CCDC102B: variants seen among roughly 807,000 people sequenced by gnomAD.
The protein encoded by CCDC102B is coiled-coil domain containing 102B.
In CCDC102B, 75 loss-of-function variants were observed where a neutral mutation model predicts 57.4. The ratio of observed to expected loss-of-function variants is 1.31; its 90% CI spans 1.08 to 1.58. The LOEUF is 1.58. Among genes scored for constraint, CCDC102B ranks in the 40% most tolerant of loss-of-function variants. The pLI is 0.00. For missense variants in CCDC102B, 636 were observed against 582.6 expected (o/e 1.09, Z -0.94); for synonymous variants, 206 against 201.9 (o/e 1.02, Z -0.17).
chr18:68,790,338 T>G (rs2035395914), intron 2 of CCDC102B, among the ~76,000 whole-genome samples: 1 of 151,786 alleles, frequency 6.6e-6, no homozygotes. Flanking sequence ...CAGGCCTCCT[T>G]GAGCTGTGGT....
chr18:68,973,781 T>C, intron 6 of CCDC102B, among the ~76,000 whole-genome samples: 1 of 152,092 alleles, frequency 6.6e-6, no homozygotes, highest in East Asian at 1.9e-4. Flanking sequence ...AGTGTAATTT[T>C]TCACAAAGAA....
intron 2 of CCDC102B, chr18:68,734,605 T>C (rs1223950564): frequency 6.6e-6 from 1 of 152,240 alleles, no homozygotes; most frequent in East Asian, 1.9e-4. Context: ...GCCTGCTAAT[T>C]CAGCATTCTG....
intron 4 of CCDC102B, among the ~76,000 whole-genome samples, chr18:68,856,063 ATTGTGACC>A (rs1473346419): frequency 6.6e-6 from 1 of 152,162 alleles, no homozygotes; most frequent in African/African-American, 2.4e-5. Context: ...AAGATCTTTC[ATTGTGACC>A]ATAGTTGGCG....
At chr18:68,951,874 C>T (rs2049708493) in intron 6 of CCDC102B, among the ~76,000 whole-genome samples, 1 of 151,844 alleles carries the variant, frequency 6.6e-6, no homozygotes, top group Admixed American at 6.6e-5. Context: ...CACTAGGTGC[C>T]TCCACAAAAT....
intron 6 of CCDC102B, among the ~76,000 whole-genome samples, chr18:68,996,627 A>G (rs1439313298): frequency 6.6e-6 from 1 of 152,048 alleles, no homozygotes; most frequent in Non-Finnish European, 1.5e-5. Flanking sequence ...TTTTTTGCCC[A>G]TTTCTTCCAT....
At chr18:68,956,349 T>TAAAATATA (rs1491436001) in intron 6 of CCDC102B, among the ~76,000 whole-genome samples, 27,607 of 56,684 alleles carry the variant, frequency 0.49, 6,045 homozygotes, top group African/African-American at 0.69. Flanking sequence ...AATATATATA[T>TAAAATATA]TAATATATAT....
intron 6 of CCDC102B, among the ~76,000 whole-genome samples, chr18:68,957,670 A>G (rs2049938525): frequency 6.6e-6 from 1 of 151,462 alleles, no homozygotes; most frequent in African/African-American, 2.4e-5. Flanking sequence ...TAGTATTTCA[A>G]TAGAGATTCC....
intron 1 of CCDC102B, among the ~76,000 whole-genome samples, chr18:68,799,178 A>G (rs1176899533): frequency 6.6e-6 from 1 of 152,130 alleles, no homozygotes; most frequent in Non-Finnish European, 1.5e-5. Flanking sequence ...ATATTCTTGA[A>G]TTCTATTTCA....
At chr18:68,816,666 A>G (rs994140584) in intron 1 of CCDC102B, among the ~76,000 whole-genome samples, 4 of 151,878 alleles carry the variant, frequency 2.6e-5, no homozygotes, top group Non-Finnish European at 5.9e-5. Flanking sequence ...GGGTTTCACC[A>G]TGTTAGCCAG....
intron 6 of CCDC102B, among the ~76,000 whole-genome samples, chr18:68,910,678 T>C (rs2040807789): frequency 6.6e-6 from 1 of 152,240 alleles, no homozygotes; most frequent in African/African-American, 2.4e-5. Flanking sequence ...GTAGAAATAG[T>C]TAATTCTTAG....
rs1466909746 is a variant in CCDC102B, at chr18:68,765,361, GAAAGAAAGAAAGAAAGA to G, written c.-67+48783_-67+48799del. Among the ~76,000 whole-genome samples the G allele has an allele frequency of 3.2e-5, 4 of 126,654 alleles. No individual in the cohort carries two copies. In the East Asian group the frequency reaches 7.0e-4, roughly 22 times the overall value. The allele number at this position is 126,654 out of a possible 152,430, so 83.1% of individuals were successfully genotyped here. ...AGAAAGAAAGAAAGAAAGAAAGAAA[GAAAGAAAGAAAGAAAGA>G]AAAGAAAGAAAGAAAAGAAAGGAAG... On this transcript the variant is annotated intron_variant, in intron 2 of 3. Transcript: ENST00000578970.
At chr18:68,956,146 C>CA (rs1010532615) in intron 6 of CCDC102B, among the ~76,000 whole-genome samples, 4 of 150,932 alleles carry the variant, frequency 2.7e-5, no homozygotes, top group African/African-American at 9.7e-5. Context: ...GAAGGGATAT[C>CA]ATCCTTCATG....
At chr18:69,000,690 T>A (rs1363375074) in intron 6 of CCDC102B, among the ~76,000 whole-genome samples, 1 of 152,174 alleles carries the variant, frequency 6.6e-6, no homozygotes, top group Non-Finnish European at 1.5e-5. Context: ...AAGAATTATA[T>A]AAGTTATTAT....
chr18:68,881,797 G>A (rs1942294), intron 5 of CCDC102B, among the ~76,000 whole-genome samples: 16,963 of 151,860 alleles, frequency 0.11, 1,333 homozygotes, highest in South Asian at 0.22. Context: ...CATTCTCTCT[G>A]TCTCTCTCTG....
intron 2 of CCDC102B, among the ~76,000 whole-genome samples, chr18:68,719,793 CA>C (rs2032227448): frequency 6.6e-6 from 1 of 152,030 alleles, no homozygotes. Flanking sequence ...TCCAGACAAT[CA>C]AAAAATAGGG....
chr18:68,960,003 C>G (rs1239335950), intron 6 of CCDC102B, among the ~76,000 whole-genome samples: 1 of 152,076 alleles, frequency 6.6e-6, no homozygotes, highest in African/African-American at 2.4e-5. Flanking sequence ...TGAGCTGGTA[C>G]CCAAGCTGGA....
intron 5 of CCDC102B, among the ~76,000 whole-genome samples, chr18:68,883,837 T>C (rs1382806833): frequency 6.6e-6 from 1 of 152,200 alleles, no homozygotes; most frequent in Admixed American, 6.5e-5. Flanking sequence ...AGCTCCACTA[T>C]CTTTACTTAA....
rs191607908 is a variant in CCDC102B, at chr18:68,751,168, G to T, written c.-67+34574G>T. Among the ~76,000 whole-genome samples, 514 of 152,250 alleles carry T rather than the reference G, an allele frequency of 3.4e-3. 1 individual carries two copies. The highest frequency in any genetic ancestry group is 0.014 in the Middle Eastern group (4 of 292). ...ACTTCTCATTATTGGCAAGATTTAT[G>T]TTCTATAAAGCCACTGTGAATACTG... On this transcript the variant is annotated intron_variant, in intron 2 of 3. Transcript: ENST00000578970.
chr18:68,952,622 A>T (rs779009952), intron 6 of CCDC102B, among the ~76,000 whole-genome samples: 6 of 152,118 alleles, frequency 3.9e-5, no homozygotes, highest in Admixed American at 1.3e-4. Flanking sequence ...GTAAAGAGAA[A>T]AGCTGTATAA....
Sources: gnomAD v4.1 joint callset for allele counts (sites outside exome capture counted in the v4.1 genomes callset) on GRCh38, gnomAD v4.1.1 for gene constraint, MANE v1.5 for transcripts, NCBI Gene and HGNC (gene_info 2026-07-23, HGNC 2026-07-21) for gene names.